XKR6: variants seen among roughly 807,000 people sequenced by gnomAD.
The protein encoded by XKR6 is XK related 6.
XKR6 carries 22 observed loss-of-function variants against 56.7 expected under a neutral mutation model. That is an observed-to-expected ratio of 0.39 (90% CI 0.28 to 0.55). The LOEUF (loss-of-function observed/expected upper bound fraction) is 0.55. Among genes scored for constraint, XKR6 ranks in the 20% least tolerant of loss-of-function variants. The pLI is 0.66. For synonymous variants in XKR6, 524 were observed against 387.8 expected (o/e 1.35, Z -4.13); for missense variants, 852 against 889.0 (o/e 0.96, Z 0.53).
chr8:10,951,987 C>G (rs1801739162), intron 1 of XKR6, among the ~76,000 whole-genome samples: 2 of 152,140 alleles, frequency 1.3e-5, no homozygotes, highest in Non-Finnish European at 2.9e-5. Flanking sequence ...TGAGAAAAAG[C>G]CAGGATCAGC....
intron 1 of XKR6, among the ~76,000 whole-genome samples, chr8:11,133,889 C>T (rs1220395889): frequency 6.6e-6 from 1 of 151,926 alleles, no homozygotes; most frequent in African/African-American, 2.4e-5. Context: ...AGACTTCCTC[C>T]CATTTATGGA....
At chr8:11,138,753 G>C (rs1800528818) in intron 1 of XKR6, 1 of 152,092 alleles carries the variant, frequency 6.6e-6, no homozygotes, top group Non-Finnish European at 1.5e-5. Flanking sequence ...GATTCCTACA[G>C]CCAGAAGGAC....
chr8:11,055,109 C>T (rs971877063), intron 1 of XKR6, among the ~76,000 whole-genome samples: 2 of 152,164 alleles, frequency 1.3e-5, no homozygotes, highest in African/African-American at 4.8e-5. Context: ...GTAAGGCTGA[C>T]TTTATTCAGG....
intron 1 of XKR6, among the ~76,000 whole-genome samples, chr8:10,974,631 C>T (rs1222343714): frequency 1.3e-5 from 2 of 152,230 alleles, no homozygotes; most frequent in African/African-American, 4.8e-5. Flanking sequence ...GGTTAACAAA[C>T]ACTCAGGCCA....
intron 1 of XKR6, among the ~76,000 whole-genome samples, chr8:11,107,128 G>C (rs980730872): frequency 6.6e-6 from 1 of 151,850 alleles, no homozygotes; most frequent in African/African-American, 2.4e-5. Flanking sequence ...ACATTTCAAA[G>C]GGCTAGAAAG....
At chr8:10,946,502 T>TA (rs1216198245) in intron 1 of XKR6, among the ~76,000 whole-genome samples, 1 of 151,880 alleles carries the variant, frequency 6.6e-6, no homozygotes, top group East Asian at 2.0e-4. Flanking sequence ...TCTAAAACAC[T>TA]AAGGAGGTTC....
intron 1 of XKR6, among the ~76,000 whole-genome samples, chr8:11,183,854 A>G (rs1008166502): frequency 2.0e-5 from 3 of 152,198 alleles, no homozygotes; most frequent in African/African-American, 7.2e-5. Context: ...CATAAGGGTT[A>G]TAACATTTGC....
chr8:11,011,136 A>C (rs1332882935), intron 1 of XKR6, among the ~76,000 whole-genome samples: 1 of 152,206 alleles, frequency 6.6e-6, no homozygotes, highest in Non-Finnish European at 1.5e-5. Flanking sequence ...CTGGGATTTG[A>C]ACTTGGCTCC....
rs1800858863 is a variant in XKR6, at chr8:10,925,662, G to A, written c.765-832C>T. On this transcript the variant is annotated intron_variant, in intron 1 of 2. Transcript: ENST00000416569. ...CCTGACTCATCACTTGCTAAGTGGG[G>A]GATCTTGAACTAGTTATTCCAGCTC... Among the ~76,000 whole-genome samples, 4 of 152,312 alleles carry A rather than the reference G, an allele frequency of 2.6e-5. No individual in the cohort carries two copies. In the South Asian group the frequency reaches 8.3e-4, roughly 32 times the overall value.
intron 1 of XKR6, among the ~76,000 whole-genome samples, chr8:11,066,248 A>G (rs1799975463): frequency 6.6e-6 from 1 of 152,200 alleles, no homozygotes; most frequent in African/African-American, 2.4e-5. Context: ...TCTCCTGTCA[A>G]ACTGATCTGG....
At position 10,927,390 on chromosome 8, in the gene XKR6, G is replaced by A. The variant is rs563152252; in HGVS notation, c.765-2560C>T. 1.5e-3 allele frequency among the ~76,000 whole-genome samples: 226 copies of A among 152,192 alleles called. 1 individual carries two copies. Among genetic ancestry groups the A allele is most frequent in the African/African-American group, 4.9e-3 (202 of 41,530 alleles). Reference sequence around the variant, plus strand: ...CCGGCTCTCTCAACAGGTGGCACCTGCAGCACACAAGCCATGAGCCACAGA... The same window carrying A: ...CCGGCTCTCTCAACAGGTGGCACCTACAGCACACAAGCCATGAGCCACAGA... On this transcript the variant is annotated intron_variant, in intron 1 of 2. Transcript: ENST00000416569.
At chr8:10,993,817 C>T (rs1352796713) in intron 1 of XKR6, among the ~76,000 whole-genome samples, 1 of 152,166 alleles carries the variant, frequency 6.6e-6, no homozygotes, top group Non-Finnish European at 1.5e-5. Context: ...CCCAGTTATT[C>T]AAAGAGGGGC....
intron 1 of XKR6, among the ~76,000 whole-genome samples, chr8:10,993,914 G>T (rs1465599711): frequency 6.6e-6 from 1 of 152,194 alleles, no homozygotes; most frequent in Non-Finnish European, 1.5e-5. Context: ...GTAGGGCCTG[G>T]AGTGAATTCT....
intron 1 of XKR6, chr8:11,123,877 G>A (rs1262333735): frequency 8.8e-6 from 4 of 456,144 alleles, no homozygotes; most frequent in East Asian, 1.4e-4. Flanking sequence ...CCTGCACTGT[G>A]CTCTCTCTTC....
At chr8:10,966,379 C>T (rs11250100) in intron 1 of XKR6, among the ~76,000 whole-genome samples, 15,098 of 151,988 alleles carry the variant, frequency 0.099, 1,545 homozygotes, top group African/African-American at 0.26. Flanking sequence ...GTATTAAAAA[C>T]GCAAGTTAGG....
intron 1 of XKR6, among the ~76,000 whole-genome samples, chr8:11,007,691 G>A (rs1002331726): frequency 6.6e-6 from 1 of 152,090 alleles, no homozygotes; most frequent in Non-Finnish European, 1.5e-5. Context: ...AAAAGCAAAA[G>A]GAAATCTACC....
At chr8:11,093,535 A>C (rs1798155014) in intron 1 of XKR6, among the ~76,000 whole-genome samples, 2 of 152,148 alleles carry the variant, frequency 1.3e-5, no homozygotes, top group African/African-American at 4.8e-5. Flanking sequence ...CCACATCCTT[A>C]GTCTCTTAGT....
chr8:11,131,130 T>TA (rs2116894979), intron 1 of XKR6, among the ~76,000 whole-genome samples: 1 of 152,282 alleles, frequency 6.6e-6, no homozygotes, highest in East Asian at 1.9e-4. Context: ...AAAAACACTC[T>TA]AAATACTTGG....
chr8:10,931,791 A>G lies in XKR6; in HGVS notation c.765-6961T>C, dbSNP rs964089840. ...AGTGGTTCTGTACCTTGTATCAGAC[A>G]AAGAGTTCTTAAATGACAGCAAAGG... is the stretch of plus-strand genomic sequence containing the variant. On this transcript the variant is annotated intron_variant, in intron 1 of 2. Coordinates refer to ENST00000416569, the MANE Select transcript of XKR6 (RefSeq NM_173683.4). Among the ~76,000 whole-genome samples, 5 of 152,226 alleles carry G rather than the reference A, an allele frequency of 3.3e-5. No homozygotes were observed. In the East Asian group the frequency reaches 9.6e-4, roughly 29 times the overall value.
Sources: allele counts gnomAD v4.1 joint callset (sites outside exome capture counted in the v4.1 genomes callset), GRCh38; gene constraint gnomAD v4.1.1; transcripts MANE v1.5; gene names NCBI Gene and HGNC (gene_info 2026-07-23, HGNC 2026-07-21).